TMEM163: variants seen among roughly 807,000 people sequenced by gnomAD.
TMEM163 encodes the protein transmembrane protein 163.
In TMEM163, 17 loss-of-function variants were observed where a neutral mutation model predicts 29.3. The observed-to-expected ratio is 0.58, with a 90% CI of 0.40 to 0.87. The LOEUF (loss-of-function observed/expected upper bound fraction) is 0.87. TMEM163 is among the 40% of genes least tolerant of loss of function. TMEM163 has a pLI of 0.00. For missense variants in TMEM163, 303 were observed against 381.5 expected, an observed-to-expected ratio of 0.79 and a Z score of 1.71; for synonymous variants, 157 against 160.6, an observed-to-expected ratio of 0.98 and a Z score of 0.17.
At chr2:134,561,614 GAGC>G (rs1179405705) in intron 2 of TMEM163, among the ~76,000 whole-genome samples, 2 of 152,192 alleles carry the variant, frequency 1.3e-5, no homozygotes, top group African/African-American at 4.8e-5. Flanking sequence ...CTCCCAAAGT[GAGC>G]AGCAAGGTTC....
chr2:134,494,594 A>C (rs1288291016), intron 5 of TMEM163, among the ~76,000 whole-genome samples: 4 of 152,212 alleles, frequency 2.6e-5, no homozygotes, highest in Non-Finnish European at 4.4e-5. Flanking sequence ...CAAAAGGCCC[A>C]CCAACTTGCT....
intron 4 of TMEM163, among the ~76,000 whole-genome samples, chr2:134,526,923 T>TA (rs1384849821): frequency 6.6e-6 from 1 of 152,178 alleles, no homozygotes; most frequent in African/African-American, 2.4e-5. Flanking sequence ...TAAGTATGTC[T>TA]AAAAAACAGC....
At chr2:134,610,016 C>T in intron 2 of TMEM163, among the ~76,000 whole-genome samples, 1 of 152,108 alleles carries the variant, frequency 6.6e-6, no homozygotes, top group East Asian at 1.9e-4. Context: ...TGGGGTGAGG[C>T]AAAAGGGACT....
intron 2 of TMEM163, among the ~76,000 whole-genome samples, chr2:134,661,151 A>C (rs1683739891): frequency 7.9e-6 from 1 of 127,336 alleles, no homozygotes; most frequent in African/African-American, 3.4e-5. Flanking sequence ...ACACACACAC[A>C]GCTCTTGCTT....
intron 2 of TMEM163, among the ~76,000 whole-genome samples, chr2:134,669,884 C>T (rs978708339): frequency 2.6e-5 from 4 of 152,222 alleles, no homozygotes; most frequent in African/African-American, 9.6e-5. Context: ...CTGTTCCAGC[C>T]CCCGGTTGTT....
chr2:134,693,546 T>C (rs1209616638), intron 2 of TMEM163, among the ~76,000 whole-genome samples: 1 of 149,360 alleles, frequency 6.7e-6, no homozygotes, highest in Non-Finnish European at 1.5e-5. Flanking sequence ...GAGGCAGAGG[T>C]TGCAGTGAGC....
chr2:134,638,809 C>T (rs1035423392), intron 2 of TMEM163, among the ~76,000 whole-genome samples: 1 of 152,106 alleles, frequency 6.6e-6, no homozygotes, highest in African/African-American at 2.4e-5. Flanking sequence ...ACCCTCACCA[C>T]GGGAGATGCT....
intron 2 of TMEM163, among the ~76,000 whole-genome samples, chr2:134,612,827 T>C (rs1458212916): frequency 6.6e-6 from 1 of 152,206 alleles, no homozygotes; most frequent in Non-Finnish European, 1.5e-5. Flanking sequence ...CATTATATTA[T>C]TTTAAATGTC....
intron 2 of TMEM163, among the ~76,000 whole-genome samples, chr2:134,702,683 AT>A (rs1473861334): frequency 2.0e-5 from 3 of 151,884 alleles, no homozygotes; most frequent in Non-Finnish European, 4.4e-5. Context: ...AATAAAAAAA[AT>A]TTTCAAAAAA....
chr2:134,615,804 C>A (rs906744142), intron 2 of TMEM163, among the ~76,000 whole-genome samples: 1 of 151,880 alleles, frequency 6.6e-6, no homozygotes, highest in African/African-American at 2.4e-5. Flanking sequence ...TTACAGGTGC[C>A]CGCTGCCATG....
chr2:134,663,483 C>T (rs1683801602), intron 2 of TMEM163, among the ~76,000 whole-genome samples: 1 of 152,216 alleles, frequency 6.6e-6, no homozygotes, highest in African/African-American at 2.4e-5. Flanking sequence ...ATGAGTACTG[C>T]ACTTGGTTCT....
At chr2:134,596,119 C>T (rs1021402302) in intron 2 of TMEM163, among the ~76,000 whole-genome samples, 5 of 152,110 alleles carry the variant, frequency 3.3e-5, no homozygotes, top group Non-Finnish European at 5.9e-5. Context: ...TAGTTTAATT[C>T]GATCTCATTT....
intron 4 of TMEM163, among the ~76,000 whole-genome samples, chr2:134,514,778 T>C (rs1319903176): frequency 6.6e-6 from 1 of 152,186 alleles, no homozygotes; most frequent in Admixed American, 6.5e-5. Context: ...GACTTGGCCG[T>C]GTGACTTGCT....
intron 2 of TMEM163, among the ~76,000 whole-genome samples, chr2:134,704,599 T>G (rs952038686): frequency 2.0e-5 from 3 of 152,150 alleles, no homozygotes; most frequent in African/African-American, 4.8e-5. Context: ...ATAAACCTCC[T>G]GGAGGGAAGC....
chr2:134,548,172 A>G (rs909586242), intron 4 of TMEM163, among the ~76,000 whole-genome samples: 1 of 152,248 alleles, frequency 6.6e-6, no homozygotes, highest in African/African-American at 2.4e-5. Flanking sequence ...CAAATATAAT[A>G]TAAGCCACAT....
At chr2:134,703,215 C>CA (rs1558997810) in intron 2 of TMEM163, among the ~76,000 whole-genome samples, 1 of 151,728 alleles carries the variant, frequency 6.6e-6, no homozygotes, top group East Asian at 1.9e-4. Context: ...AAGGAAATCC[C>CA]AAAAAAAGTG....
At chr2:134,534,615 G>C (rs1680489827) in intron 4 of TMEM163, among the ~76,000 whole-genome samples, 1 of 152,072 alleles carries the variant, frequency 6.6e-6, no homozygotes, top group Non-Finnish European at 1.5e-5. Flanking sequence ...TTAGCCAGGT[G>C]GGGTGGCGCA....
intron 2 of TMEM163, among the ~76,000 whole-genome samples, chr2:134,662,606 A>G (rs1174808395): frequency 6.6e-6 from 1 of 152,190 alleles, no homozygotes; most frequent in Admixed American, 6.5e-5. Flanking sequence ...TCGGGAGATG[A>G]GCAATTCTTA....
chr2:134,694,645 CTG>C (rs1320667809), intron 2 of TMEM163, among the ~76,000 whole-genome samples: 2 of 152,198 alleles, frequency 1.3e-5, no homozygotes, highest in African/African-American at 4.8e-5. Flanking sequence ...ATCAATTACT[CTG>C]TAATAAATAT....
Sources: gnomAD v4.1 joint callset for allele counts (sites outside exome capture counted in the v4.1 genomes callset) on GRCh38, gnomAD v4.1.1 for gene constraint, MANE v1.5 for transcripts, NCBI Gene and HGNC (gene_info 2026-07-23, HGNC 2026-07-21) for gene names.